The following VWC2L variants were observed in gnomAD, a reference collection of about 807,000 sequenced individuals.
The protein encoded by VWC2L is von Willebrand factor C domain containing 2 like, also known as von Willebrand factor C domain-containing protein 2-like.
In VWC2L, 10 loss-of-function variants were observed where a neutral mutation model predicts 21.6. That is an observed-to-expected ratio of 0.46 (90% confidence interval 0.29 to 0.78). The LOEUF (loss-of-function observed/expected upper bound fraction) is 0.78, where lower values mean the gene tolerates loss of function less well. Ranked by LOEUF, VWC2L falls within the 30% of genes least tolerant of loss-of-function variation. The pLI, the probability that VWC2L is intolerant of heterozygous loss-of-function variation, is 0.10. For missense variants in VWC2L, 209 were observed against 277.1 expected, an observed-to-expected ratio of 0.75 and a Z score of 1.74; for synonymous variants, 96 against 94.3, an observed-to-expected ratio of 1.02 and a Z score of -0.10.
chr2:214,567,595 C>CACACACAGAG (rs1553602423), intron 3 of VWC2L, among the ~76,000 whole-genome samples: 3 of 135,306 alleles, frequency 2.2e-5, no homozygotes, highest in African/African-American at 9.4e-5. Context: ...CACACACACA[C>CACACACAGAG]AGAGAGAGAG....
chr2:214,570,621 C>T (rs1470074454), intron 3 of VWC2L, among the ~76,000 whole-genome samples: 1 of 152,006 alleles, frequency 6.6e-6, no homozygotes, highest in African/African-American at 2.4e-5. Context: ...CCTTGACCTC[C>T]TAAAGTGCTG....
intron 3 of VWC2L, among the ~76,000 whole-genome samples, chr2:214,517,360 G>A (rs1280933299): frequency 1.3e-5 from 2 of 152,198 alleles, no homozygotes; most frequent in Non-Finnish European, 2.9e-5. Context: ...GGAAGGTGGA[G>A]TTGCTGCAGG....
chr2:214,452,126 G>T (rs935282701), intron 3 of VWC2L, among the ~76,000 whole-genome samples: 1 of 152,146 alleles, frequency 6.6e-6, no homozygotes, highest in African/African-American at 2.4e-5. Flanking sequence ...CATTCAGTAT[G>T]CACTCTCTTT....
intron 3 of VWC2L, among the ~76,000 whole-genome samples, chr2:214,549,709 G>A (rs1004267741): frequency 6.6e-6 from 1 of 152,198 alleles, no homozygotes; most frequent in Non-Finnish European, 1.5e-5. Flanking sequence ...GGAGGCAGAG[G>A]TTGCAGTGAG....
chr2:214,426,459 G>A (rs1702525963), intron 2 of VWC2L, among the ~76,000 whole-genome samples: 2 of 152,198 alleles, frequency 1.3e-5, no homozygotes, highest in Non-Finnish European at 2.9e-5. Context: ...GCCACCAAAC[G>A]GCTTAGATCA....
chr2:214,544,534 C>A (rs796229232), intron 3 of VWC2L, among the ~76,000 whole-genome samples: 1 of 152,030 alleles, frequency 6.6e-6, no homozygotes, highest in African/African-American at 2.4e-5. Flanking sequence ...AGGACTGGTA[C>A]GCTTGTTACT....
chr2:214,476,716 C>T (rs1688531276), intron 3 of VWC2L, among the ~76,000 whole-genome samples: 2 of 152,134 alleles, frequency 1.3e-5, no homozygotes, highest in African/African-American at 4.8e-5. Flanking sequence ...AACAGAAATC[C>T]TATTTTTGCC....
At chr2:214,430,959 G>T (rs1702593102) in intron 2 of VWC2L, among the ~76,000 whole-genome samples, 1 of 152,182 alleles carries the variant, frequency 6.6e-6, no homozygotes, top group African/African-American at 2.4e-5. Context: ...CAATAGAGCA[G>T]ATCGCTGAAG....
chr2:214,577,620 C>A lies in VWC2L; in HGVS notation c.*1800C>A, dbSNP rs1315628328. The A allele has an allele frequency of 6.6e-6, 1 of 152,182 alleles. No homozygotes were observed. Among genetic ancestry groups the A allele is most frequent in the Non-Finnish European group, 1.5e-5 (1 of 68,038 alleles). 9.4% of individuals were successfully genotyped at this position (152,182 alleles called of 1,614,324 possible). On this transcript the variant is annotated 3_prime_UTR_variant, in exon 4 of 4. Coordinates refer to ENST00000312504, the MANE Select transcript of VWC2L (RefSeq NM_001080500.4). ...CTGATCCCTATGGGACATACACAGT[C>A]AGCATTTCCAAGGGGTCAGTCTTCT...
intron 3 of VWC2L, among the ~76,000 whole-genome samples, chr2:214,480,019 C>A (rs1688580363): frequency 6.6e-6 from 1 of 152,028 alleles, no homozygotes; most frequent in African/African-American, 2.4e-5. Flanking sequence ...TGTAGTATAA[C>A]AACTACTTAC....
At chr2:214,504,207 C>T (rs192462387) in intron 3 of VWC2L, among the ~76,000 whole-genome samples, 9 of 152,262 alleles carry the variant, frequency 5.9e-5, no homozygotes, top group South Asian at 2.1e-4. Flanking sequence ...TTAGCTGCTT[C>T]GTTTCCCTAA....
chr2:214,571,640 TAAGA>T (rs1194681326), intron 3 of VWC2L, among the ~76,000 whole-genome samples: 1 of 152,180 alleles, frequency 6.6e-6, no homozygotes, highest in Non-Finnish European at 1.5e-5. Context: ...ACCTGGACCA[TAAGA>T]AATAACAAAC....
At chr2:214,570,389 G>A (rs761789845) in intron 3 of VWC2L, among the ~76,000 whole-genome samples, 2 of 152,048 alleles carry the variant, frequency 1.3e-5, no homozygotes, top group African/African-American at 4.8e-5. Flanking sequence ...TTCGAGATAG[G>A]GTCTCACTTT....
chr2:214,555,011 A>C (rs1331821855), intron 3 of VWC2L, among the ~76,000 whole-genome samples: 1 of 152,202 alleles, frequency 6.6e-6, no homozygotes, highest in Non-Finnish European at 1.5e-5. Flanking sequence ...AGTTTGGCAC[A>C]TGTCTGATAA....
chr2:214,437,655 T>A (rs886108629), intron 3 of VWC2L, among the ~76,000 whole-genome samples: 1 of 152,200 alleles, frequency 6.6e-6, no homozygotes, highest in Non-Finnish European at 1.5e-5. Context: ...TTTCTTGAGT[T>A]GGCAATGGCC....
At chr2:214,509,846 T>C (rs937515707) in intron 3 of VWC2L, among the ~76,000 whole-genome samples, 4 of 152,236 alleles carry the variant, frequency 2.6e-5, no homozygotes, top group Admixed American at 6.5e-5. Flanking sequence ...TGTGGATTTA[T>C]ACATATTTTA....
intron 2 of VWC2L, among the ~76,000 whole-genome samples, chr2:214,422,887 C>G (rs1702463891): frequency 6.6e-6 from 1 of 152,114 alleles, no homozygotes; most frequent in African/African-American, 2.4e-5. Context: ...TAAACATGCA[C>G]TGAACACTAC....
chr2:214,567,275 A>G (rs1690075827), intron 3 of VWC2L, among the ~76,000 whole-genome samples: 1 of 152,158 alleles, frequency 6.6e-6, no homozygotes. Flanking sequence ...GGGAAGTAGG[A>G]GTCTCAGCTT....
chr2:214,542,076 C>G (rs773110068), intron 3 of VWC2L, among the ~76,000 whole-genome samples: 4 of 152,128 alleles, frequency 2.6e-5, no homozygotes, highest in Non-Finnish European at 5.9e-5. Flanking sequence ...GAATATAATG[C>G]TGATGACAGT....
Sources: allele counts gnomAD v4.1 joint callset (sites outside exome capture counted in the v4.1 genomes callset), GRCh38; gene constraint gnomAD v4.1.1; transcripts MANE v1.5; gene names NCBI Gene and HGNC (gene_info 2026-07-23, HGNC 2026-07-21).